The following CSMD1 variants were observed in gnomAD, a reference collection of about 807,000 sequenced individuals.
CSMD1 encodes the protein CUB and sushi domain-containing protein 1.
CSMD1 carries 213 observed loss-of-function variants against 417.5 expected under a neutral mutation model. The observed-to-expected ratio is 0.51, with a 90% confidence interval of 0.46 to 0.57. CSMD1 has a LOEUF of 0.57. Ranked by LOEUF, CSMD1 falls within the 20% of genes least tolerant of loss-of-function variation. The probability of loss-of-function intolerance (pLI) is 0.00; values close to 1 mark genes in which losing one functional copy is unlikely to be tolerated. For synonymous variants in CSMD1, 2,862 were observed against 1,736.8 expected, an observed-to-expected ratio of 1.65 and a Z score of -16.11; for missense variants, 6,923 against 4,529.7, an observed-to-expected ratio of 1.53 and a Z score of -15.17.
At chr8:4,471,024 A>G (rs938941246) in intron 2 of CSMD1, among the ~76,000 whole-genome samples, 3 of 152,202 alleles carry the variant, frequency 2.0e-5, no homozygotes, top group East Asian at 1.9e-4. Context: ...ATTCTATGAA[A>G]TATCTTTTGA....
chr8:3,605,968 T>C (rs1026653588), intron 8 of CSMD1, among the ~76,000 whole-genome samples: 2 of 152,236 alleles, frequency 1.3e-5, no homozygotes, highest in African/African-American at 4.8e-5. Flanking sequence ...AGAGGAGTCT[T>C]CTGCCTTGTG....
chr8:3,923,021 T>C (rs1338037230), intron 5 of CSMD1, among the ~76,000 whole-genome samples: 1 of 152,182 alleles, frequency 6.6e-6, no homozygotes, highest in Admixed American at 6.5e-5. Context: ...ATGTTAGTTA[T>C]TGAAAAACAA....
chr8:4,680,452 A>G (rs2130974781), intron 1 of CSMD1, among the ~76,000 whole-genome samples: 1 of 152,310 alleles, frequency 6.6e-6, no homozygotes, highest in African/African-American at 2.4e-5. Context: ...CCATGTTCTC[A>G]TCATCGTACC....
At chr8:3,979,313 T>C (rs12677287) in intron 5 of CSMD1, among the ~76,000 whole-genome samples, 46,283 of 152,026 alleles carry the variant, frequency 0.3, 7,470 homozygotes, top group East Asian at 0.46. Flanking sequence ...AACAGAGGTG[T>C]GAATCAGGTA....
intron 2 of CSMD1, among the ~76,000 whole-genome samples, chr8:4,600,821 A>G (rs748749724): frequency 1.2e-4 from 18 of 152,278 alleles, no homozygotes; most frequent in Non-Finnish European, 2.4e-4. Context: ...ATCTTGACAA[A>G]CTTACATATC....
intron 50 of CSMD1, among the ~76,000 whole-genome samples, chr8:3,037,560 G>C (rs1483273029): frequency 6.6e-6 from 1 of 152,124 alleles, no homozygotes; most frequent in Non-Finnish European, 1.5e-5. Flanking sequence ...ATAAACATGG[G>C]TGTGCATGTG....
At chr8:3,937,784 C>T (rs1011085011) in intron 5 of CSMD1, among the ~76,000 whole-genome samples, 5 of 152,040 alleles carry the variant, frequency 3.3e-5, no homozygotes, top group African/African-American at 4.8e-5. Flanking sequence ...TCATGAGAGC[C>T]TCACATAGAA....
At chr8:3,770,870 T>A (rs1223839091) in intron 5 of CSMD1, among the ~76,000 whole-genome samples, 2 of 152,226 alleles carry the variant, frequency 1.3e-5, no homozygotes, top group South Asian at 4.1e-4. Flanking sequence ...CTGTAGCTCA[T>A]ATTTTTTAGT....
intron 1 of CSMD1, among the ~76,000 whole-genome samples, chr8:4,969,731 T>C (rs1188500302): frequency 2.6e-5 from 4 of 152,054 alleles, no homozygotes; most frequent in Non-Finnish European, 4.4e-5. Flanking sequence ...TTCCACACTA[T>C]TGCACTATGC....
intron 3 of CSMD1, among the ~76,000 whole-genome samples, chr8:4,159,946 G>T (rs1170973129): frequency 6.6e-6 from 1 of 152,070 alleles, no homozygotes; most frequent in Non-Finnish European, 1.5e-5. Flanking sequence ...AGGGGAAAGG[G>T]TGGGAGGGGG....
chr8:3,759,901 T>A (rs1362480834), intron 5 of CSMD1, among the ~76,000 whole-genome samples: 3 of 73,034 alleles, frequency 4.1e-5, no homozygotes, highest in African/African-American at 1.5e-4. Flanking sequence ...TGAGAGACTG[T>A]CTCAAAAAAA....
intron 3 of CSMD1, among the ~76,000 whole-genome samples, chr8:4,418,859 C>A (rs758960934): frequency 6.6e-6 from 1 of 152,104 alleles, no homozygotes; most frequent in African/African-American, 2.4e-5. Flanking sequence ...TGCACAAATG[C>A]GGTGGCATGA....
At chr8:4,983,626 G>A (rs561812215) in intron 1 of CSMD1, among the ~76,000 whole-genome samples, 8 of 152,160 alleles carry the variant, frequency 5.3e-5, no homozygotes, top group South Asian at 2.1e-4. Context: ...GGGTTCAAGC[G>A]ATTCTCCTGC....
intron 1 of CSMD1, among the ~76,000 whole-genome samples, chr8:4,921,990 C>T (rs1294637268): frequency 6.6e-6 from 1 of 152,126 alleles, no homozygotes; most frequent in Non-Finnish European, 1.5e-5. Context: ...GCTTCAGATC[C>T]AATCCTGCAA....
At chr8:4,181,151 G>C (rs914552696) in intron 3 of CSMD1, among the ~76,000 whole-genome samples, 2 of 152,098 alleles carry the variant, frequency 1.3e-5, no homozygotes, top group East Asian at 3.9e-4. Flanking sequence ...CTATTTTGGT[G>C]TATTTGCTTT....
intron 3 of CSMD1, among the ~76,000 whole-genome samples, chr8:4,166,013 T>A (rs1379282998): frequency 3.9e-5 from 6 of 152,192 alleles, no homozygotes; most frequent in Admixed American, 6.5e-5. Context: ...TGTACATCTC[T>A]TTATATCCTT....
intron 3 of CSMD1, among the ~76,000 whole-genome samples, chr8:4,133,268 C>G (rs1307903461): frequency 5.9e-5 from 9 of 152,098 alleles, no homozygotes; most frequent in Non-Finnish European, 1.3e-4. Flanking sequence ...TAAGCAAAGA[C>G]TTCAATAAAA....
At chr8:4,843,230 G>C (rs192318953) in intron 1 of CSMD1, among the ~76,000 whole-genome samples, 2 of 152,224 alleles carry the variant, frequency 1.3e-5, no homozygotes, top group African/African-American at 4.8e-5. Context: ...CCTGCATCTT[G>C]TGATTCTAGG....
At chr8:3,363,377 G>A (rs975833486) in intron 20 of CSMD1, among the ~76,000 whole-genome samples, 6 of 152,088 alleles carry the variant, frequency 3.9e-5, no homozygotes, top group Non-Finnish European at 7.4e-5. Flanking sequence ...GTGTAAAAAC[G>A]TCATGGAAAC....
Sources: allele counts gnomAD v4.1 joint callset (sites outside exome capture counted in the v4.1 genomes callset), GRCh38; gene constraint gnomAD v4.1.1; transcripts MANE v1.5; gene names NCBI Gene and HGNC (gene_info 2026-07-23, HGNC 2026-07-21).